Variants in RGSL1 observed in about 807,000 individuals in gnomAD.
RGSL1 encodes the protein regulator of G protein signaling protein-like.
In RGSL1, 97 loss-of-function variants were observed where a neutral mutation model predicts 124.7. The ratio of observed to expected loss-of-function variants is 0.78; its 90% confidence interval spans 0.66 to 0.92. The LOEUF is 0.92. Among genes scored for constraint, RGSL1 ranks in the 40% least tolerant of loss-of-function variants. RGSL1 has a pLI of 0.00. For missense variants in RGSL1, 1,233 were observed against 1,288.4 expected (o/e 0.96, Z 0.66); for synonymous variants, 424 against 438.1 (o/e 0.97, Z 0.40).
chr1:182,465,708 T>A (rs757515450), intron 4 of RGSL1, among the ~76,000 whole-genome samples: 6 of 152,082 alleles, frequency 3.9e-5, no homozygotes, highest in Non-Finnish European at 8.8e-5. Flanking sequence ...ACCTGATGGT[T>A]TTACTGGTGA....
chr1:182,501,230 A>G (rs112790104), intron 9 of RGSL1, among the ~76,000 whole-genome samples: 1 of 148,902 alleles, frequency 6.7e-6, no homozygotes, highest in Admixed American at 6.7e-5. Context: ...TTCTCTGTCA[A>G]TTGAGATGAT....
intron 14 of RGSL1, among the ~76,000 whole-genome samples, chr1:182,534,116 G>T (rs529438573): frequency 1.5e-3 from 230 of 152,272 alleles, no homozygotes; most frequent in African/African-American, 5.1e-3. Context: ...TGCTGCAAAA[G>T]ATACATATTT....
chr1:182,488,445 T>C, intron 7 of RGSL1, 98 bp downstream of exon 7: 4 of 1,195,812 alleles, frequency 3.3e-6, no homozygotes, highest in Non-Finnish European at 4.8e-6. Context: ...GTAAATGAAA[T>C]TGTTATTTTT....
intron 4 of RGSL1, chr1:182,460,738 C>G (rs371360305): frequency 4.4e-6 from 2 of 455,888 alleles, no homozygotes; most frequent in East Asian, 7.0e-5. Context: ...AACAATTGTA[C>G]TGGCAGAATC....
rs548473137 is a variant in RGSL1, at chr1:182,480,246, A to G, written c.1431+5704A>G. Among the ~76,000 whole-genome samples the G allele has an allele frequency of 3.9e-5, 6 of 152,268 alleles. No homozygotes were observed. The South Asian group carries it at 1.0e-3, about 26-fold the overall frequency. ...AGAATAGATCATGTGCTAAGTCACA[A>G]AAAGGTCTTAACAAATTTAAGATTA... On this transcript the variant is annotated intron_variant, in intron 6 of 21. Transcript: ENST00000294854.
chr1:182,452,036 A>G (rs1171400037), intron 1 of RGSL1, among the ~76,000 whole-genome samples: 1 of 151,968 alleles, frequency 6.6e-6, no homozygotes, highest in Non-Finnish European at 1.5e-5. Context: ...AGAGTGAGAG[A>G]CAGGGACAGA....
intron 6 of RGSL1, among the ~76,000 whole-genome samples, chr1:182,482,471 C>T (rs1186928753): frequency 6.6e-6 from 1 of 152,190 alleles, no homozygotes; most frequent in Non-Finnish European, 1.5e-5. Flanking sequence ...GTAAAACTAT[C>T]ATGCCTCTGT....
At chr1:182,472,172 CA>C (rs373110118) in intron 4 of RGSL1, among the ~76,000 whole-genome samples, 362 of 152,208 alleles carry the variant, frequency 2.4e-3, no homozygotes, top group African/African-American at 8.4e-3. Flanking sequence ...ACACCAGCAA[CA>C]AAAAGTCAAA....
chr1:182,509,787 C>T (rs1235803736), intron 9 of RGSL1, among the ~76,000 whole-genome samples: 11 of 133,100 alleles, frequency 8.3e-5, no homozygotes, highest in Admixed American at 4.9e-4. Flanking sequence ...ACCTCCCTCC[C>T]GGATGGGGCG....
chr1:182,469,120 T>C (rs1169311200), intron 4 of RGSL1, among the ~76,000 whole-genome samples: 2 of 152,144 alleles, frequency 1.3e-5, no homozygotes, highest in Admixed American at 1.3e-4. Flanking sequence ...TTGGCAGTGA[T>C]GTCTTGGATA....
chr1:182,469,248 T>C (rs940910265), intron 4 of RGSL1, among the ~76,000 whole-genome samples: 6 of 152,080 alleles, frequency 3.9e-5, no homozygotes, highest in Non-Finnish European at 8.8e-5. Flanking sequence ...AAGAAAATAC[T>C]TCAAAATCAT....
chr1:182,556,049 G>A lies in RGSL1; in HGVS notation c.3223G>A (p.Glu1075Lys). The A allele has an allele frequency of 6.4e-7, 1 of 1,551,552 alleles. No homozygotes were observed. Among genetic ancestry groups the A allele is most frequent in the Middle Eastern group, 1.7e-4 (1 of 5,992 alleles). The stretch of plus-strand genomic sequence containing the variant: ...ACAAAAATTATCCTACATCAAAAAA[G>A]AGAAGTAATCAAGCGAGACCCCCAG... Reference protein sequence around the residue: ...QGQKLSYIKKEK With the variant: ...QGQKLSYIKKKK Residue 1075 changes from glutamate to lysine, a missense_variant, in exon 21 of 22, where the codon GAG (glutamate) becomes AAG (lysine). Glu to Lys is a moderately conservative substitution (Grantham distance 56). Transcript: ENST00000294854.
At chr1:182,496,681 T>C (rs555594998) in intron 9 of RGSL1, among the ~76,000 whole-genome samples, 2 of 152,242 alleles carry the variant, frequency 1.3e-5, no homozygotes, top group African/African-American at 2.4e-5. Flanking sequence ...GCAAAAATAC[T>C]TTCCCACTCT....
chr1:182,512,469 C>T (rs1657532577), intron 9 of RGSL1, among the ~76,000 whole-genome samples: 1 of 152,190 alleles, frequency 6.6e-6, no homozygotes, highest in African/African-American at 2.4e-5. Flanking sequence ...TCGGCTGCTG[C>T]ATGCTCAAAC....
intron 9 of RGSL1, among the ~76,000 whole-genome samples, chr1:182,500,332 G>GT: frequency 6.6e-6 from 1 of 152,258 alleles, no homozygotes; most frequent in South Asian, 2.1e-4. Flanking sequence ...GTACATGTAT[G>GT]TTTTTATTTT....
At chr1:182,472,643 G>A (rs2102035368) in intron 5 of RGSL1, 86 bp downstream of exon 5, 2 of 1,332,556 alleles carry the variant, frequency 1.5e-6, no homozygotes, top group Non-Finnish European at 2.0e-6. Context: ...TTCTTTGCAG[G>A]AAACCCCACC....
intron 1 of RGSL1, 156 bp downstream of exon 1, chr1:182,450,334 T>A: frequency 1.3e-6 from 1 of 790,076 alleles, no homozygotes; most frequent in Non-Finnish European, 2.1e-6. Context: ...TTCTCCTTCT[T>A]CCCCTTCCTC....
chr1:182,528,411 T>G (rs1016211950), intron 11 of RGSL1, among the ~76,000 whole-genome samples: 1 of 152,140 alleles, frequency 6.6e-6, no homozygotes, highest in African/African-American at 2.4e-5. Flanking sequence ...AAGTCTTAAC[T>G]CATTCCAGCA....
rs68163917 is a variant in RGSL1, at chr1:182,454,586, ATGTGTGTGTGTGTG to A, written c.96+573_96+586del. ...GCACTTTGCAACTCTCTTGAGTTGT[ATGTGTGTGTGTGTG>A]TGTGTGTGTGTGTGTGTGTGTGTGT... On this transcript the variant is annotated intron_variant, in intron 2 of 21. Transcript: ENST00000294854. Among the ~76,000 whole-genome samples the A allele has an allele frequency of 8.6e-3, 1,245 of 144,608 alleles. 7 individuals carry two copies. The highest frequency in any genetic ancestry group is 0.012 in the Non-Finnish European group (798 of 65,822). The allele number at this position is 144,608 out of a possible 152,430, so 94.9% of individuals were successfully genotyped here.
Sources: allele counts gnomAD v4.1 joint callset (sites outside exome capture counted in the v4.1 genomes callset), GRCh38; gene constraint gnomAD v4.1.1; transcripts MANE v1.5; gene names NCBI Gene and HGNC (gene_info 2026-07-23, HGNC 2026-07-21).